Variants in CLEC2D observed in about 807,000 individuals in gnomAD.
CLEC2D encodes C-type lectin domain family 2 member D.
Under a neutral mutation model 20.0 loss-of-function variants are expected in CLEC2D, and 16 were observed. That is an observed-to-expected ratio of 0.80 (90% CI 0.54 to 1.22). CLEC2D has a LOEUF of 1.22. Ranked by LOEUF, CLEC2D falls within the 50% of genes most tolerant of loss-of-function variation. CLEC2D has a pLI of 0.00. For synonymous variants in CLEC2D, 77 were observed against 71.1 expected (o/e 1.08, Z -0.42); for missense variants, 207 against 221.5 (o/e 0.93, Z 0.42).
intron 3 of CLEC2D, among the ~76,000 whole-genome samples, chr12:9,691,798 GAAGA>G (rs1194213304): frequency 1.3e-5 from 2 of 152,070 alleles, no homozygotes; most frequent in Non-Finnish European, 2.9e-5. Flanking sequence ...AACTAAAAAA[GAAGA>G]AAGATCTCAA....
intron 4 of CLEC2D, chr12:9,693,727 T>G (rs539322222): frequency 5.0e-6 from 2 of 398,322 alleles, no homozygotes; most frequent in South Asian, 3.7e-5. Context: ...TTCATAAATA[T>G]CTAGAATTAA....
At chr12:9,678,361 G>A (rs1865567307) in intron 1 of CLEC2D, among the ~76,000 whole-genome samples, 2 of 151,932 alleles carry the variant, frequency 1.3e-5, no homozygotes, top group Admixed American at 1.3e-4. Flanking sequence ...TTTAATTTGT[G>A]TGTCTTTATA....
rs746823876 is a variant in CLEC2D at position 9,697,870 on chromosome 12, G to A, written c.*2996G>A. 2 of 152,152 alleles carry A rather than the reference G, an allele frequency of 1.3e-5. No homozygotes were observed. Among genetic ancestry groups the A allele is most frequent in the Non-Finnish European group, 2.9e-5 (2 of 68,016 alleles). 9.4% of individuals were successfully genotyped at this position (152,152 alleles called of 1,614,324 possible). On this transcript the variant is annotated 3_prime_UTR_variant, in exon 5 of 5. Coordinates refer to ENST00000290855, the MANE Select transcript of CLEC2D (RefSeq NM_013269.6). ...AACATACAGTATGAGGACTATAATA[G>A]TATTGCACTGTGTACTGAAAACTTG...
At chr12:9,687,527 C>A (rs755925539) in intron 2 of CLEC2D, among the ~76,000 whole-genome samples, 2 of 152,104 alleles carry the variant, frequency 1.3e-5, no homozygotes, top group African/African-American at 4.8e-5. Flanking sequence ...GGTTGGGGAC[C>A]CCTAATCTAG....
intron 1 of CLEC2D, among the ~76,000 whole-genome samples, chr12:9,671,421 C>T (rs968657192): frequency 3.3e-5 from 5 of 152,098 alleles, no homozygotes; most frequent in African/African-American, 1.2e-4. Context: ...GGGGTTTCAC[C>T]GTGTTAGCCA....
intron 1 of CLEC2D, among the ~76,000 whole-genome samples, chr12:9,675,224 C>T (rs994576495): frequency 2.1e-5 from 3 of 142,220 alleles, no homozygotes; most frequent in Non-Finnish European, 4.5e-5. Flanking sequence ...GACGGAGTCT[C>T]ACTCTCTTGC....
chr12:9,694,746 T>C lies in CLEC2D; in HGVS notation c.462-14T>C. On this transcript the variant is annotated splice_polypyrimidine_tract_variant and intron_variant, in intron 4 of 4. Transcript: ENST00000290855. ...ATGTTCAGTGGCCAACTGATTCTGC[T>C]TCTTCTCTTGCAGGTTTCCTATCCT... The C allele has an allele frequency of 2.0e-6, 3 of 1,464,506 alleles. No individual in the cohort carries two copies. The highest frequency in any genetic ancestry group is 1.9e-6 in the Non-Finnish European group (2 of 1,043,966). 90.7% of individuals were successfully genotyped at this position (1,464,506 alleles called of 1,614,324 possible). A position where few individuals can be genotyped will look rare whatever the true frequency, so the allele number is the denominator to read the frequency against.
intron 3 of CLEC2D, 99 bp downstream of exon 3, chr12:9,688,185 C>T (rs1591700132): frequency 5.5e-6 from 5 of 908,622 alleles, no homozygotes; most frequent in African/African-American, 2.4e-5. Context: ...TCTGCTTTTA[C>T]ATTGATTTTT....
chr12:9,685,946 C>A (rs1865738320), intron 2 of CLEC2D, among the ~76,000 whole-genome samples: 1 of 152,158 alleles, frequency 6.6e-6, no homozygotes, highest in Non-Finnish European at 1.5e-5. Context: ...CAAATCGCCA[C>A]CCAGTTTTGT....
chr12:9,695,064 C>A lies in CLEC2D; in HGVS notation c.*190C>A. ...CCTGTTTTCATGGTGCTAATATTAC[C>A]TGTTCTCCCACTGCTAATGACATAC... On this transcript the variant is annotated 3_prime_UTR_variant, in exon 5 of 5. Coordinates refer to ENST00000290855, the MANE Select transcript of CLEC2D (RefSeq NM_013269.6). 1.7e-6 allele frequency: 1 copy of A among 583,200 alleles called. No individual in the cohort carries two copies. Among genetic ancestry groups the A allele is most frequent in the Non-Finnish European group, 3.1e-6 (1 of 327,496 alleles). The allele number at this position is 583,200 out of a possible 1,614,324, so 36.1% of individuals were successfully genotyped here.
rs1389264088 is a variant in CLEC2D, at chr12:9,696,122, G to T, written c.*1248G>T. 2.0e-6 allele frequency: 2 copies of T among 988,266 alleles called. No individual in the cohort carries two copies. The highest frequency in any genetic ancestry group is 3.2e-6 in the Non-Finnish European group (2 of 624,844). 61.2% of individuals were successfully genotyped at this position (988,266 alleles called of 1,614,324 possible). A position where few individuals can be genotyped will look rare whatever the true frequency, so the allele number is the denominator to read the frequency against. The stretch of plus-strand genomic sequence containing the variant: ...ATGCAAGCAAGTATAGAAAAACGTG[G>T]TTCTCTTCCCAAAGTGGAAACCAAG... On this transcript the variant is annotated 3_prime_UTR_variant, in exon 5 of 5. Transcript: ENST00000290855.
intron 1 of CLEC2D, among the ~76,000 whole-genome samples, chr12:9,675,251 T>C (rs1865499704): frequency 6.7e-6 from 1 of 149,662 alleles, no homozygotes; most frequent in Non-Finnish European, 1.5e-5. Flanking sequence ...CGGAGTGCAG[T>C]GGCGCAATCT....
At chr12:9,675,300 A>G (rs1865501234) in intron 1 of CLEC2D, among the ~76,000 whole-genome samples, 1 of 149,014 alleles carries the variant, frequency 6.7e-6, no homozygotes, top group Non-Finnish European at 1.5e-5. Flanking sequence ...TTCACCCACC[A>G]TTCTCCTGCC....
chr12:9,683,322 GTTT>G (rs1226655704), intron 2 of CLEC2D, among the ~76,000 whole-genome samples: 17 of 80,878 alleles, frequency 2.1e-4, no homozygotes, highest in East Asian at 6.3e-4. Context: ...ATGATAGTTT[GTTT>G]TTTGTGTTTG....
At chr12:9,684,166 G>T (rs964035394) in intron 2 of CLEC2D, among the ~76,000 whole-genome samples, 4 of 152,046 alleles carry the variant, frequency 2.6e-5, no homozygotes, top group African/African-American at 9.7e-5. Context: ...TCATGATTTG[G>T]CTCTCTGTTT....
intron 4 of CLEC2D, 191 bp downstream of exon 4, chr12:9,693,122 T>C (rs1364748722): frequency 6.9e-6 from 11 of 1,603,830 alleles, no homozygotes; most frequent in Non-Finnish European, 9.4e-6. Context: ...CATGGTGAGG[T>C]AGACTGACTG....
rs745769297 is a variant in CLEC2D, at chr12:9,692,712, A to G, written c.358-116A>G. On this transcript the variant is annotated intron_variant, in intron 3 of 4. Coordinates refer to ENST00000290855, the MANE Select transcript of CLEC2D (RefSeq NM_013269.6). ...TATTCTGTATGTATTACTAAACAAT[A>G]CAAAATCAAAAGGAAGAAAATTATG... 5.2e-4 allele frequency: 337 copies of G among 647,502 alleles called. 2 individuals carry two copies. Among genetic ancestry groups the G allele is most frequent in the South Asian group, 4.8e-3 (230 of 47,890 alleles). 40.1% of individuals were successfully genotyped at this position (647,502 alleles called of 1,614,324 possible).
Position 9,687,908 on chromosome 12 carries a change from G to C in CLEC2D, c.179G>C (p.Arg60Thr). 1.9e-6 allele frequency: 3 copies of C among 1,567,808 alleles called. No individual in the cohort carries two copies. The highest frequency in any genetic ancestry group is 2.6e-6 in the Non-Finnish European group (3 of 1,154,944). Residue 60 changes from arginine to threonine, a missense_variant, in exon 3 of 5, where the codon AGA (arginine) becomes ACA (threonine). Physicochemically the swap from Arg to Thr is moderately conservative, Grantham distance 71 (BLOSUM62 -1). Coordinates refer to ENST00000290855, the MANE Select transcript of CLEC2D (RefSeq NM_013269.6). ...CGMVAALSAIRANCHQEPSVC... is the reference protein window; with the variant it reads ...CGMVAALSAITANCHQEPSVC... ...ATTTTTATTTTATTTTCAGCAATAA[G>C]AGCTAACTGCCATCAAGAGCCATCA...
intron 4 of CLEC2D, chr12:9,693,568 A>T (rs895932414): frequency 5.4e-6 from 1 of 185,216 alleles, no homozygotes; most frequent in African/African-American, 2.4e-5. Flanking sequence ...TTATTTAATA[A>T]AAAGAGCCCC....
Sources: allele counts gnomAD v4.1 joint callset (sites outside exome capture counted in the v4.1 genomes callset), GRCh38; gene constraint gnomAD v4.1.1; transcripts MANE v1.5; gene names NCBI Gene and HGNC (gene_info 2026-07-23, HGNC 2026-07-21).